The following NAA35 variants were observed in gnomAD, a reference collection of about 807,000 sequenced individuals.
NAA35 encodes MAK10 homolog, amino-acid N-acetyltransferase subunit.
NAA35 carries 18 observed loss-of-function variants against 101.7 expected under a neutral mutation model. The ratio of observed to expected loss-of-function variants is 0.18; its 90% confidence interval spans 0.12 to 0.26. The LOEUF (loss-of-function observed/expected upper bound fraction) is 0.26. Ranked by LOEUF, NAA35 falls within the 10% of genes least tolerant of loss-of-function variation. NAA35 has a pLI of 1.00. For missense variants in NAA35, 601 were observed against 886.8 expected (o/e 0.68, Z 4.09); for synonymous variants, 267 against 273.1 (o/e 0.98, Z 0.22).
chr9:85,945,110 TTTGTGAAGGAACC>T (rs1476832747), intron 2 of NAA35, among the ~76,000 whole-genome samples: 6 of 152,202 alleles, frequency 3.9e-5, no homozygotes, highest in African/African-American at 1.4e-4. Context: ...GCCTTATTTC[TTTGTGAAGGAACC>T]TTGAGTGGGA....
At chr9:85,997,084 C>T (rs562530783) in intron 12 of NAA35, among the ~76,000 whole-genome samples, 57 of 152,120 alleles carry the variant, frequency 3.7e-4, no homozygotes, top group African/African-American at 1.3e-3. Context: ...TCCCAAGAAG[C>T]TGGGACCACA....
chr9:86,024,343 G>A lies in NAA35; in HGVS notation c.*2383G>A, dbSNP rs1286967732. On this transcript the variant is annotated 3_prime_UTR_variant, in exon 23 of 23. Coordinates refer to ENST00000361671, the MANE Select transcript of NAA35 (RefSeq NM_024635.4). ...CGAAGTATAGAGCAGGAAAAGGATG[G>A]CGGAGATGAGAGGCAAGGAGAAGCC... 6.6e-6 allele frequency among the ~76,000 whole-genome samples: 1 copy of A among 152,184 alleles called. No homozygotes were observed. The highest frequency in any genetic ancestry group is 6.5e-5 in the Admixed American group (1 of 15,276).
intron 12 of NAA35, among the ~76,000 whole-genome samples, chr9:86,002,395 G>A (rs1831454052): frequency 6.6e-6 from 1 of 152,148 alleles, no homozygotes; most frequent in Admixed American, 6.6e-5. Flanking sequence ...GAATTTGAAT[G>A]TTGGCTTCTC....
At chr9:85,981,495 T>C (rs1192124839) in intron 11 of NAA35, among the ~76,000 whole-genome samples, 1 of 152,142 alleles carries the variant, frequency 6.6e-6, no homozygotes, top group Non-Finnish European at 1.5e-5. Context: ...AGATGATAAT[T>C]TCCGTGGGAT....
intron 10 of NAA35, among the ~76,000 whole-genome samples, chr9:85,977,878 T>G (rs1830278841): frequency 6.6e-6 from 1 of 152,142 alleles, no homozygotes; most frequent in Non-Finnish European, 1.5e-5. Context: ...TTATAAGTGG[T>G]GAATAGGGAT....
At chr9:85,948,386 T>C (rs1001259659) in intron 2 of NAA35, among the ~76,000 whole-genome samples, 2 of 152,234 alleles carry the variant, frequency 1.3e-5, no homozygotes, top group Non-Finnish European at 2.9e-5. Flanking sequence ...TTCAGACTCA[T>C]TGGAGATCCT....
chr9:86,000,947 T>C (rs1164639045), intron 12 of NAA35, among the ~76,000 whole-genome samples: 1 of 152,116 alleles, frequency 6.6e-6, no homozygotes, highest in Non-Finnish European at 1.5e-5. Context: ...GATTTTTTTG[T>C]TCTTGGTTTC....
chr9:85,975,698 C>T (rs1006737687), intron 8 of NAA35, among the ~76,000 whole-genome samples: 11 of 152,104 alleles, frequency 7.2e-5, no homozygotes, highest in African/African-American at 2.7e-4. Context: ...TAAAATTTAA[C>T]CCACTTGATT....
At chr9:85,951,230 A>G (rs1162078324) in intron 2 of NAA35, among the ~76,000 whole-genome samples, 2 of 152,230 alleles carry the variant, frequency 1.3e-5, no homozygotes, top group Non-Finnish European at 2.9e-5. Context: ...CAAAAAAATA[A>G]TATACAAAAG....
chr9:85,953,546 CT>C (rs1409906890), intron 2 of NAA35, among the ~76,000 whole-genome samples: 2 of 152,146 alleles, frequency 1.3e-5, no homozygotes, highest in African/African-American at 4.8e-5. Flanking sequence ...CCACCTCAGC[CT>C]TCCAAGTAGC....
chr9:85,961,125 T>C (rs1306792710), intron 5 of NAA35, among the ~76,000 whole-genome samples: 1 of 152,158 alleles, frequency 6.6e-6, no homozygotes, highest in African/African-American at 2.4e-5. Flanking sequence ...ATTTGGACTT[T>C]AAAAGGCAGA....
chr9:85,969,506 A>C (rs904759120), intron 6 of NAA35, among the ~76,000 whole-genome samples: 1 of 152,180 alleles, frequency 6.6e-6, no homozygotes, highest in Admixed American at 6.5e-5. Flanking sequence ...TGTTCTTTGC[A>C]TAATGAATTT....
chr9:85,961,345 A>G (rs531553223), intron 5 of NAA35, among the ~76,000 whole-genome samples: 10 of 152,186 alleles, frequency 6.6e-5, no homozygotes, highest in Non-Finnish European at 1.2e-4. Flanking sequence ...ATATAAAAGG[A>G]GAAAAATACC....
At chr9:85,976,763 AT>A in intron 9 of NAA35, 28 bp downstream of exon 9, 2 of 1,507,118 alleles carry the variant, frequency 1.3e-6, no homozygotes, top group Non-Finnish European at 1.8e-6. Flanking sequence ...CTGGTAGATA[AT>A]ATCAGAGAAG....
At chr9:85,976,482 C>T (rs1830217002) in intron 8 of NAA35, among the ~76,000 whole-genome samples, 1 of 152,054 alleles carries the variant, frequency 6.6e-6, no homozygotes, top group South Asian at 2.1e-4. Flanking sequence ...TTTCCATGAT[C>T]TTTATAATTT....
intron 17 of NAA35, 60 bp downstream of exon 17, chr9:86,013,957 C>A: frequency 1.6e-6 from 2 of 1,278,838 alleles, no homozygotes; most frequent in Non-Finnish European, 2.1e-6. Flanking sequence ...TCTGAGAATT[C>A]AGAGTTAATT....
intron 12 of NAA35, among the ~76,000 whole-genome samples, chr9:86,000,258 A>G (rs1028040569): frequency 2.6e-5 from 4 of 152,182 alleles, no homozygotes; most frequent in African/African-American, 4.8e-5. Flanking sequence ...CTACTTGATC[A>G]TGGTGAATTA....
At chr9:85,976,767 C>CA (rs1233070482) in intron 9 of NAA35, 32 bp downstream of exon 9, 1 of 1,472,180 alleles carries the variant, frequency 6.8e-7, no homozygotes, top group African/African-American at 1.4e-5. Flanking sequence ...TAGATAATAT[C>CA]AGAGAAGTCT....
rs561508555 is a variant in NAA35, at chr9:86,004,747, C to T, written c.1116+1103C>T. On this transcript the variant is annotated intron_variant, in intron 13 of 22. Transcript: ENST00000361671. Reference sequence around the variant, plus strand: ...GGGGTATCATTACAGACTCTGTAAACATTAAAAGAATAGTAATGGGATATA... The same window carrying T: ...GGGGTATCATTACAGACTCTGTAAATATTAAAAGAATAGTAATGGGATATA... 2.0e-5 allele frequency among the ~76,000 whole-genome samples: 3 copies of T among 152,230 alleles called. No individual in the cohort carries two copies. The South Asian group carries it at 6.2e-4, about 32-fold the overall frequency.
Sources: gnomAD v4.1 joint callset for allele counts (sites outside exome capture counted in the v4.1 genomes callset) on GRCh38, gnomAD v4.1.1 for gene constraint, MANE v1.5 for transcripts, NCBI Gene and HGNC (gene_info 2026-07-23, HGNC 2026-07-21) for gene names.